CCSER2: variants seen among roughly 807,000 people sequenced by gnomAD.
CCSER2 encodes the protein coiled-coil serine rich protein 2.
CCSER2 carries 46 observed loss-of-function variants against 92.3 expected under a neutral mutation model. That is an observed-to-expected ratio of 0.50 (90% CI 0.39 to 0.64). The LOEUF is 0.64. Ranked by LOEUF, CCSER2 falls within the 30% of genes least tolerant of loss-of-function variation. CCSER2 has a pLI of 0.00. For missense variants in CCSER2, 1,244 were observed against 1,238.9 expected (o/e 1.00, Z -0.06); for synonymous variants, 433 against 431.4 (o/e 1.00, Z -0.04).
intron 9 of CCSER2, among the ~76,000 whole-genome samples, chr10:84,496,497 G>A (rs1232760502): frequency 6.6e-6 from 1 of 152,116 alleles, no homozygotes; most frequent in Non-Finnish European, 1.5e-5. Context: ...ATGTTAGCCA[G>A]GATGGTCTGG....
intron 5 of CCSER2, among the ~76,000 whole-genome samples, chr10:84,434,535 C>A (rs1843988370): frequency 6.6e-6 from 1 of 152,032 alleles, no homozygotes; most frequent in African/African-American, 2.4e-5. Flanking sequence ...TACATAGATG[C>A]AAAGCAAATG....
At chr10:84,428,001 A>C (rs1457416002) in intron 5 of CCSER2, among the ~76,000 whole-genome samples, 2 of 152,190 alleles carry the variant, frequency 1.3e-5, no homozygotes, top group Non-Finnish European at 2.9e-5. Context: ...TGGCTGTATC[A>C]ACTCTTCTTT....
intron 9 of CCSER2, among the ~76,000 whole-genome samples, chr10:84,496,478 G>A (rs1385158674): frequency 1.3e-5 from 2 of 151,984 alleles, no homozygotes; most frequent in East Asian, 3.9e-4. Flanking sequence ...GTAGAGATGG[G>A]GTTTCACCAT....
chr10:84,412,904 T>C (rs1217259457), intron 3 of CCSER2, among the ~76,000 whole-genome samples: 1 of 152,206 alleles, frequency 6.6e-6, no homozygotes. Context: ...TTTATCTGTT[T>C]CTTGTAGATT....
chr10:84,467,434 C>T (rs185410184), intron 7 of CCSER2, among the ~76,000 whole-genome samples: 63 of 152,184 alleles, frequency 4.1e-4, no homozygotes, highest in Non-Finnish European at 8.7e-4. Flanking sequence ...ACTTCTAACA[C>T]AGACTCTCTC....
chr10:84,454,329 G>A (rs1177185712), intron 6 of CCSER2, among the ~76,000 whole-genome samples: 4 of 151,980 alleles, frequency 2.6e-5, no homozygotes, highest in Non-Finnish European at 2.9e-5. Context: ...CCCTAATCCC[G>A]TGTGAACTCA....
chr10:84,399,258 C>T (rs985805583), intron 3 of CCSER2, among the ~76,000 whole-genome samples: 1 of 152,164 alleles, frequency 6.6e-6, no homozygotes, highest in African/African-American at 2.4e-5. Context: ...CATTGTTTAG[C>T]TCCCACTTAT....
chr10:84,456,956 T>G (rs1845661410), intron 6 of CCSER2, among the ~76,000 whole-genome samples: 1 of 151,658 alleles, frequency 6.6e-6, no homozygotes. Context: ...CTTTATATAT[T>G]TTAGATATAG....
chr10:84,383,705 T>C (rs1425018754), intron 3 of CCSER2, among the ~76,000 whole-genome samples: 1 of 152,222 alleles, frequency 6.6e-6, no homozygotes, highest in Admixed American at 6.5e-5. Flanking sequence ...TATTTAACAA[T>C]ATTATACTAC....
chr10:84,338,146 G>C (rs1307690484), intron 1 of CCSER2, among the ~76,000 whole-genome samples: 1 of 151,940 alleles, frequency 6.6e-6, no homozygotes, highest in Non-Finnish European at 1.5e-5. Flanking sequence ...GGGCATGGTG[G>C]TGCATGCCTG....
At chr10:84,434,523 A>G (rs565937863) in intron 5 of CCSER2, among the ~76,000 whole-genome samples, 25 of 152,320 alleles carry the variant, frequency 1.6e-4, no homozygotes, top group African/African-American at 5.3e-4. Context: ...TTTAGCAACA[A>G]ATACATAGAT....
chr10:84,380,956 A>G (rs1840874690), intron 3 of CCSER2, among the ~76,000 whole-genome samples: 1 of 151,934 alleles, frequency 6.6e-6, no homozygotes, highest in South Asian at 2.1e-4. Flanking sequence ...CGGCCTCCCA[A>G]AGTGCTGGGA....
At chr10:84,354,465 G>T (rs1845046572) in intron 1 of CCSER2, among the ~76,000 whole-genome samples, 1 of 151,998 alleles carries the variant, frequency 6.6e-6, no homozygotes, top group African/African-American at 2.4e-5. Context: ...ACTACTGCTT[G>T]TTATCTTCAA....
In CCSER2 at chr10:84,490,386, G is replaced by A. The variant is rs1376027395; in HGVS notation, c.2325+12722G>A. 3.3e-5 allele frequency among the ~76,000 whole-genome samples: 5 copies of A among 152,188 alleles called. No homozygotes were observed. In the East Asian group the frequency reaches 9.6e-4, roughly 29 times the overall value. On this transcript the variant is annotated intron_variant, in intron 9 of 9. Transcript: ENST00000372088. ...TCACTTTCAGGTACACCAATCAGAT[G>A]TAGATTTGGTCTTTTCACATAGTCC... is the stretch of plus-strand genomic sequence containing the variant.
At chr10:84,383,532 G>A (rs1841028791) in intron 3 of CCSER2, among the ~76,000 whole-genome samples, 3 of 151,914 alleles carry the variant, frequency 2.0e-5, no homozygotes, top group Non-Finnish European at 4.4e-5. Flanking sequence ...GGATGGTCTC[G>A]ATCTCCTGAC....
chr10:84,425,641 T>G (rs1018182436), intron 4 of CCSER2, 90 bp from the exon 5 acceptor site: 7 of 824,278 alleles, frequency 8.5e-6, no homozygotes, highest in Non-Finnish European at 1.2e-5. Context: ...TATTTTTATT[T>G]GATTTACAGC....
rs751114801 is a variant in CCSER2 at position 84,371,295 on chromosome 10, G to A, written c.243G>A (p.Glu81=). The A allele has an allele frequency of 2.5e-6, 4 of 1,613,594 alleles. No individual in the cohort carries two copies. In the East Asian group the frequency reaches 6.7e-5, roughly 27 times the overall value. Residue 81 remains glutamate (E), a synonymous_variant, in exon 2 of 10, where the codon GAG becomes GAA. Transcript: ENST00000372088. The part of the protein sequence containing the change: ...KYQLCAQGVE[E]PNNTQNSHDK... The stretch of plus-strand genomic sequence containing the variant: ...AGCTTTGTGCACAAGGTGTCGAAGA[G>A]CCTAACAATACTCAAAATTCACATG...
At chr10:84,459,579 G>A (rs1017607158) in intron 6 of CCSER2, among the ~76,000 whole-genome samples, 4 of 152,158 alleles carry the variant, frequency 2.6e-5, no homozygotes, top group African/African-American at 9.7e-5. Flanking sequence ...CTGGAGTGCA[G>A]TGGCACAGTC....
intron 5 of CCSER2, among the ~76,000 whole-genome samples, chr10:84,436,679 A>C (rs971370037): frequency 2.4e-4 from 36 of 151,394 alleles, no homozygotes; most frequent in African/African-American, 5.6e-4. Context: ...TGCGGGAGGC[A>C]GGTGTGTTGA....
Sources: allele counts gnomAD v4.1 joint callset (sites outside exome capture counted in the v4.1 genomes callset), GRCh38; gene constraint gnomAD v4.1.1; transcripts MANE v1.5; gene names NCBI Gene and HGNC (gene_info 2026-07-23, HGNC 2026-07-21).